The following SLC35D1 variants were observed in gnomAD, a reference collection of about 807,000 sequenced individuals.
SLC35D1 encodes the protein solute carrier family 35 member D1.
A neutral mutation model predicts 46.7 loss-of-function variants in SLC35D1; 31 were observed. The observed-to-expected ratio is 0.66, with a 90% CI of 0.50 to 0.90. The LOEUF is 0.90. SLC35D1 is among the 40% of genes least tolerant of loss of function. The pLI, the probability that SLC35D1 is intolerant of heterozygous loss-of-function variation, is 0.00. For synonymous variants in SLC35D1, 195 were observed against 164.6 expected (o/e 1.18, Z -1.41); for missense variants, 397 against 426.2 (o/e 0.93, Z 0.60).
downstream of SLC35D1, among the ~76,000 whole-genome samples, chr1:66,994,934 A>AG (rs1177200143): frequency 1.3e-5 from 2 of 151,650 alleles, no homozygotes; most frequent in Non-Finnish European, 2.9e-5. Flanking sequence ...AAAAAAAAAA[A>AG]AAGAAGAAAC....
At chr1:67,053,712 G>A in intron 1 of SLC35D1, 99 bp downstream of exon 1, 2 of 1,200,632 alleles carry the variant, frequency 1.7e-6, no homozygotes, top group South Asian at 2.0e-5. Flanking sequence ...ACTTTGTTCG[G>A]CTTTAACTTT....
In SLC35D1 at chr1:67,015,017, T is replaced by C. The variant is rs570752072; in HGVS notation, c.876+5352A>G. ...TAGGTTTTTCACTAAAAGTAAGAGT[T>C]ACTAAGAGATACTATCATAATTAAT... On this transcript the variant is annotated intron_variant, in intron 10 of 11. Transcript: ENST00000235345. 5.3e-5 allele frequency among the ~76,000 whole-genome samples: 8 copies of C among 151,228 alleles called. No homozygotes were observed. The East Asian group carries it at 1.5e-3, about 29-fold the overall frequency.
At chr1:66,990,272 C>T in the SLC35D1 span, among the ~76,000 whole-genome samples, 2 of 152,078 alleles carry the variant, frequency 1.3e-5, no homozygotes, top group Non-Finnish European at 2.9e-5. Flanking sequence ...TGGACTACAT[C>T]TGCAATTTTT....
At chr1:66,986,440 C>T in the SLC35D1 span, 1 of 1,612,400 alleles carries the variant, frequency 6.2e-7, no homozygotes, top group Non-Finnish European at 8.5e-7. Context: ...ATTTTTCAGC[C>T]ATCAGTTCAA....
chr1:67,041,780 GA>G (rs940592365), intron 8 of SLC35D1, among the ~76,000 whole-genome samples: 7 of 147,388 alleles, frequency 4.7e-5, no homozygotes, highest in East Asian at 3.9e-4. Context: ...TATCTCCTGA[GA>G]AAAAAAAAAC....
chr1:67,037,168 G>T (rs1447075214), intron 8 of SLC35D1, among the ~76,000 whole-genome samples: 1 of 151,886 alleles, frequency 6.6e-6, no homozygotes, highest in Admixed American at 6.6e-5. Flanking sequence ...AGTTGTTGTA[G>T]GTATTATTTT....
chr1:67,005,720 G>A (rs548862824), intron 11 of SLC35D1, among the ~76,000 whole-genome samples: 2 of 152,256 alleles, frequency 1.3e-5, no homozygotes, highest in Admixed American at 6.5e-5. Flanking sequence ...ATTGCTCAGG[G>A]TCACAAAGCA....
chr1:66,988,843 C>G, the SLC35D1 span, among the ~76,000 whole-genome samples: 1 of 152,160 alleles, frequency 6.6e-6, no homozygotes, highest in Non-Finnish European at 1.5e-5. Flanking sequence ...ACTATGCTTG[C>G]TTGGCTTGTG....
intron 11 of SLC35D1, among the ~76,000 whole-genome samples, chr1:67,005,558 A>G (rs1213885065): frequency 6.6e-6 from 1 of 152,140 alleles, no homozygotes; most frequent in Non-Finnish European, 1.5e-5. Context: ...CCTCATCTGC[A>G]CCTCACGGCA....
chr1:67,025,362 C>T (rs1667895954), intron 8 of SLC35D1, among the ~76,000 whole-genome samples: 1 of 152,140 alleles, frequency 6.6e-6, no homozygotes, highest in African/African-American at 2.4e-5. Context: ...GATCTATTTT[C>T]ACACCTTTGA....
At chr1:67,017,635 T>C (rs1444220848) in intron 10 of SLC35D1, among the ~76,000 whole-genome samples, 1 of 152,172 alleles carries the variant, frequency 6.6e-6, no homozygotes, top group Non-Finnish European at 1.5e-5. Context: ...AGATTGCCAC[T>C]GCAATCTGAA....
chr1:66,996,161 C>T (rs1375292873), downstream of SLC35D1, among the ~76,000 whole-genome samples: 1 of 152,180 alleles, frequency 6.6e-6, no homozygotes, highest in African/African-American at 2.4e-5. Context: ...AACACATAGT[C>T]GGCCCTCAGT....
chr1:66,977,991 G>GT, the SLC35D1 span, among the ~76,000 whole-genome samples: 1 of 152,018 alleles, frequency 6.6e-6, no homozygotes, highest in Admixed American at 6.6e-5. Flanking sequence ...AAGGTCAGGA[G>GT]TTTGAGACCA....
the SLC35D1 span, chr1:66,976,853 T>G: frequency 2.8e-6 from 2 of 703,882 alleles, no homozygotes; most frequent in Non-Finnish European, 4.2e-6. Flanking sequence ...CCGAGAGTGA[T>G]AAAATCTTGC....
At chr1:66,980,600 A>G in the SLC35D1 span, among the ~76,000 whole-genome samples, 1 of 152,164 alleles carries the variant, frequency 6.6e-6, no homozygotes, top group African/African-American at 2.4e-5. Context: ...CTTCTTATTT[A>G]CCCTGCTCAC....
At chr1:67,013,691 C>A (rs1667622155) in intron 10 of SLC35D1, among the ~76,000 whole-genome samples, 1 of 152,152 alleles carries the variant, frequency 6.6e-6, no homozygotes, top group Non-Finnish European at 1.5e-5. Context: ...AAAAAAGGTG[C>A]CATCTACCTC....
intron 8 of SLC35D1, among the ~76,000 whole-genome samples, chr1:67,041,411 C>T (rs886213528): frequency 8.5e-5 from 13 of 152,196 alleles, no homozygotes; most frequent in African/African-American, 3.1e-4. Flanking sequence ...AATAGTCCAA[C>T]AGCTTTTAAA....
the SLC35D1 span, among the ~76,000 whole-genome samples, chr1:66,975,310 T>G: frequency 6.6e-5 from 10 of 152,156 alleles, no homozygotes; most frequent in African/African-American, 2.4e-4. Flanking sequence ...GCAGATTGCT[T>G]GAGCCTGGGA....
chr1:66,987,240 A>G, the SLC35D1 span: 2 of 152,880 alleles, frequency 1.3e-5, no homozygotes, highest in African/African-American at 2.4e-5. Context: ...TGCAGCCACT[A>G]TAACTTGATA....
Sources: allele counts gnomAD v4.1 joint callset (sites outside exome capture counted in the v4.1 genomes callset), GRCh38; gene constraint gnomAD v4.1.1; transcripts MANE v1.5; gene names NCBI Gene and HGNC (gene_info 2026-07-23, HGNC 2026-07-21).